Variants in ALCAM observed in about 807,000 individuals in gnomAD.
ALCAM encodes CD166 antigen.
In ALCAM, 30 loss-of-function variants were observed where a neutral mutation model predicts 70.9. The ratio of observed to expected loss-of-function variants is 0.42; its 90% confidence interval spans 0.32 to 0.57. ALCAM has a LOEUF of 0.57. ALCAM is among the 20% of genes least tolerant of loss of function. ALCAM has a pLI of 0.11. For missense variants in ALCAM, 591 were observed against 695.1 expected (o/e 0.85, Z 1.68); for synonymous variants, 249 against 242.5 (o/e 1.03, Z -0.25).
intron 1 of ALCAM, among the ~76,000 whole-genome samples, chr3:105,432,823 A>G (rs1201336709): frequency 1.3e-5 from 2 of 152,170 alleles, no homozygotes; most frequent in East Asian, 3.8e-4. Flanking sequence ...GCAGAGTTTC[A>G]GCAAAACAAA....
At chr3:105,432,022 G>A (rs935296857) in intron 1 of ALCAM, among the ~76,000 whole-genome samples, 7 of 152,026 alleles carry the variant, frequency 4.6e-5, no homozygotes, top group Admixed American at 6.6e-5. Flanking sequence ...CTGAAAAAAC[G>A]AAAGAATAAG....
At chr3:105,404,672 A>G (rs535674375) in intron 1 of ALCAM, among the ~76,000 whole-genome samples, 1,480 of 80,938 alleles carry the variant, frequency 0.018, 13 homozygotes, top group East Asian at 0.17. Context: ...ACAATAACAC[A>G]ATGAAAAAAA....
chr3:105,377,361 G>A (rs1047096418), intron 1 of ALCAM, among the ~76,000 whole-genome samples: 21 of 152,022 alleles, frequency 1.4e-4, no homozygotes, highest in Non-Finnish European at 5.9e-5. Context: ...AAATGTCTTG[G>A]AAGTGAAGTT....
At chr3:105,552,817 T>C in intron 14 of ALCAM, 3 of 1,307,650 alleles carry the variant, frequency 2.3e-6, no homozygotes, top group Non-Finnish European at 2.9e-6. Flanking sequence ...TCTCAATCAA[T>C]AGCCTGAATT....
chr3:105,424,505 G>T (rs2107422862), intron 1 of ALCAM, among the ~76,000 whole-genome samples: 1 of 151,812 alleles, frequency 6.6e-6, no homozygotes, highest in East Asian at 1.9e-4. Flanking sequence ...GGTCTACTGA[G>T]AATTTACCCC....
At position 105,378,064 on chromosome 3, in the gene ALCAM, A is replaced by G. The variant is rs143299708; in HGVS notation, c.73+10583A>G. ...ATCTTTTGAACAATTCTTCCAACAA[A>G]GCTTGTCAGAATTTTGTATAAACTG... is the stretch of plus-strand genomic sequence containing the variant. On this transcript the variant is annotated intron_variant, in intron 1 of 15. Transcript: ENST00000306107. Among the ~76,000 whole-genome samples, 111 of 152,092 alleles carry G rather than the reference A, an allele frequency of 7.3e-4. 1 individual carries two copies. The highest frequency in any genetic ancestry group is 7.2e-3 in the Admixed American group (110 of 15,260).
chr3:105,405,226 A>G (rs1936192389), intron 1 of ALCAM, among the ~76,000 whole-genome samples: 1 of 146,942 alleles, frequency 6.8e-6, no homozygotes. Context: ...GCAGTGAACC[A>G]AGATCATACT....
chr3:105,474,911 GATT>G (rs774994799), intron 1 of ALCAM, among the ~76,000 whole-genome samples: 79 of 149,758 alleles, frequency 5.3e-4, no homozygotes, highest in Non-Finnish European at 2.2e-4. Flanking sequence ...GCCAATTAAA[GATT>G]ATCCCTGTGT....
intron 14 of ALCAM, among the ~76,000 whole-genome samples, chr3:105,558,735 T>C (rs752139463): frequency 2.1e-4 from 32 of 152,282 alleles, no homozygotes; most frequent in Middle Eastern, 6.8e-3. Flanking sequence ...ATTTAAACTC[T>C]CTTCTGCTGC....
chr3:105,458,384 T>A (rs1937561999), intron 1 of ALCAM, among the ~76,000 whole-genome samples: 2 of 152,190 alleles, frequency 1.3e-5, no homozygotes, highest in South Asian at 2.1e-4. Flanking sequence ...TACGCAGGCA[T>A]GCACCTGTAC....
intron 1 of ALCAM, among the ~76,000 whole-genome samples, chr3:105,368,265 A>AGAGAGAGAGAGAGAGAGAGAGAG (rs1553716633): frequency 1.1e-3 from 29 of 25,938 alleles, no homozygotes; most frequent in South Asian, 2.0e-3. Context: ...GAGAGAGAGA[A>AGAGAGAGAGAGAGAGAGAGAGAG]AAGGCAAAAT....
chr3:105,554,149 A>G (rs1394275635), intron 14 of ALCAM, among the ~76,000 whole-genome samples: 1 of 151,830 alleles, frequency 6.6e-6, no homozygotes, highest in Non-Finnish European at 1.5e-5. Context: ...TGACATGATT[A>G]CGGAGGCTGA....
At chr3:105,504,049 T>C (rs182111511) in intron 1 of ALCAM, among the ~76,000 whole-genome samples, 1 of 152,344 alleles carries the variant, frequency 6.6e-6, no homozygotes, top group African/African-American at 2.4e-5. Context: ...AAAGCACTTT[T>C]TTAAAGCAAC....
chr3:105,560,398 T>C (rs77057855), intron 14 of ALCAM, among the ~76,000 whole-genome samples: 3,252 of 152,292 alleles, frequency 0.021, 95 homozygotes, highest in African/African-American at 0.07. Flanking sequence ...CTTTCTGTAA[T>C]TGATTTGTAA....
chr3:105,539,379 A>G (rs930805937), intron 6 of ALCAM, among the ~76,000 whole-genome samples: 1 of 152,100 alleles, frequency 6.6e-6, no homozygotes. Flanking sequence ...TCTTGGCTCC[A>G]ATGAACAGGA....
intron 1 of ALCAM, among the ~76,000 whole-genome samples, chr3:105,440,152 A>T (rs1937140116): frequency 6.6e-6 from 1 of 152,158 alleles, no homozygotes; most frequent in Non-Finnish European, 1.5e-5. Flanking sequence ...GACCAGGAAA[A>T]AACCAAGTCA....
At chr3:105,479,280 A>G (rs1184406672) in intron 1 of ALCAM, among the ~76,000 whole-genome samples, 1 of 152,166 alleles carries the variant, frequency 6.6e-6, no homozygotes, top group African/African-American at 2.4e-5. Context: ...TAATAGAAAA[A>G]CCTTACCAAA....
chr3:105,416,381 A>C (rs1936508647), intron 1 of ALCAM, among the ~76,000 whole-genome samples: 1 of 152,010 alleles, frequency 6.6e-6, no homozygotes, highest in African/African-American at 2.4e-5. Context: ...CAATTTACTA[A>C]ACTTTTCAGT....
At chr3:105,562,042 C>A (rs993795382) in intron 14 of ALCAM, among the ~76,000 whole-genome samples, 1 of 152,180 alleles carries the variant, frequency 6.6e-6, no homozygotes, top group Non-Finnish European at 1.5e-5. Flanking sequence ...TATCACATAG[C>A]TCAAAGTTCC....
Sources: allele counts gnomAD v4.1 joint callset (sites outside exome capture counted in the v4.1 genomes callset), GRCh38; gene constraint gnomAD v4.1.1; transcripts MANE v1.5; gene names NCBI Gene and HGNC (gene_info 2026-07-23, HGNC 2026-07-21).